The following DCAF8L2 variants were observed in gnomAD, a reference collection of about 807,000 sequenced individuals.
DCAF8L2 encodes the protein DDB1- and CUL4-associated factor 8-like protein 2.
For synonymous variants in DCAF8L2, 200 were observed against 190.9 expected (o/e 1.05, Z -0.39); for missense variants, 430 against 490.7 (o/e 0.88, Z 1.17).
the DCAF8L2 span, among the ~76,000 whole-genome samples, chrX:27,502,422 C>G: frequency 7.0e-5 from 6 of 86,320 alleles, no homozygotes; most frequent in Admixed American, 8.8e-4. Flanking sequence ...GAGGGGCTTT[C>G]CCCAGCAAGG....
At chrX:27,519,031 C>T in the DCAF8L2 span, 81 of 944,021 alleles carry the variant, frequency 8.6e-5, no homozygotes, top group African/African-American at 1.2e-3. Context: ...ACTATACATG[C>T]GAAGAAGGAA....
At chrX:27,617,476 T>A (rs1301496115) in intron 1 of DCAF8L2, among the ~76,000 whole-genome samples, 1 of 111,219 alleles carries the variant, frequency 9.0e-6, no homozygotes, top group Non-Finnish European at 1.9e-5. Flanking sequence ...TTAAAAGCTA[T>A]GAAATGAATC....
intron 4 of DCAF8L2, among the ~76,000 whole-genome samples, chrX:27,735,971 T>C (rs1921496256): frequency 9.0e-6 from 1 of 111,677 alleles, no homozygotes; most frequent in Non-Finnish European, 1.9e-5. Context: ...ATTAAAGTAT[T>C]GAAAACAAAT....
At chrX:27,591,418 G>C (rs1331351636) in intron 1 of DCAF8L2, among the ~76,000 whole-genome samples, 6 of 110,694 alleles carry the variant, frequency 5.4e-5, no homozygotes, top group Non-Finnish European at 1.1e-4. Context: ...TTAGAACAGT[G>C]GTTTACAGAA....
At chrX:27,514,207 T>C in the DCAF8L2 span, among the ~76,000 whole-genome samples, 2 of 74,028 alleles carry the variant, frequency 2.7e-5, no homozygotes, top group East Asian at 1.2e-3. Flanking sequence ...TATGTACATG[T>C]ATGTGTGCTA....
intron 4 of DCAF8L2, among the ~76,000 whole-genome samples, chrX:27,733,200 CTT>C (rs1410895327): frequency 1.8e-5 from 2 of 111,424 alleles, no homozygotes; most frequent in Admixed American, 9.6e-5. Context: ...CTTGTTATCT[CTT>C]GTCTTTTTGA....
chrX:27,474,102 G>T, the DCAF8L2 span, among the ~76,000 whole-genome samples: 3 of 111,202 alleles, frequency 2.7e-5, no homozygotes, highest in Admixed American at 2.9e-4. Flanking sequence ...TCAGGGAAGT[G>T]TCAGTTGCTC....
At position 27,676,578 on chromosome X, in the gene DCAF8L2, C is replaced by T. The variant is rs181195228; in HGVS notation, c.-219-1258C>T. Among the ~76,000 whole-genome samples, 19 of 110,503 alleles carry T rather than the reference C, an allele frequency of 1.7e-4. No homozygotes were observed. The East Asian group carries it at 3.7e-3, about 22-fold the overall frequency. ...GGAGGAATAGCAGAGGTTGGAACCA[C>T]CAAGAAAGAGTCCAAATAAGTAGGA... On this transcript the variant is annotated intron_variant, in intron 2 of 4. Coordinates refer to ENST00000451261, the MANE Select transcript of DCAF8L2 (RefSeq NM_001353450.2).
At chrX:27,555,533 C>A in the DCAF8L2 span, among the ~76,000 whole-genome samples, 1 of 112,155 alleles carries the variant, frequency 8.9e-6, no homozygotes, top group Non-Finnish European at 1.9e-5. Flanking sequence ...TCAAACCTGA[C>A]AGCTTAAGAG....
At chrX:27,533,188 A>C in the DCAF8L2 span, among the ~76,000 whole-genome samples, 19 of 21,151 alleles carry the variant, frequency 9.0e-4, 2 homozygotes, top group Non-Finnish European at 1.4e-3. Context: ...GAAAGAAAGA[A>C]AGAAAGAAAG....
the DCAF8L2 span, among the ~76,000 whole-genome samples, chrX:27,543,314 G>T: frequency 9.0e-6 from 1 of 111,489 alleles, no homozygotes; most frequent in Non-Finnish European, 1.9e-5. Context: ...TTTATTTCTG[G>T]GTTCTCTATT....
chrX:27,726,790 A>C (rs1015898781), intron 4 of DCAF8L2, among the ~76,000 whole-genome samples: 2 of 112,076 alleles, frequency 1.8e-5, no homozygotes, highest in African/African-American at 6.5e-5. Flanking sequence ...GTATGTACAG[A>C]CAACTCACTT....
chrX:27,544,521 A>C, the DCAF8L2 span, among the ~76,000 whole-genome samples: 1 of 112,025 alleles, frequency 8.9e-6, no homozygotes, highest in Non-Finnish European at 1.9e-5. Flanking sequence ...AAACATCTTT[A>C]AACACTGTAT....
chrX:27,703,303 A>G (rs968395449), intron 3 of DCAF8L2, among the ~76,000 whole-genome samples: 2 of 111,179 alleles, frequency 1.8e-5, no homozygotes, highest in African/African-American at 6.5e-5. Flanking sequence ...CGCAGCTGGC[A>G]TTTTTGCAGA....
intron 3 of DCAF8L2, among the ~76,000 whole-genome samples, chrX:27,711,019 T>C (rs1931507749): frequency 8.9e-6 from 1 of 111,989 alleles, no homozygotes; most frequent in African/African-American, 3.2e-5. Flanking sequence ...ACACCTACTA[T>C]GTACCCACAA....
Position 27,639,469 on chromosome X carries a change from T to C in DCAF8L2, c.-220+7469T>C, listed in dbSNP as rs534575782. Reference sequence around the variant, plus strand: ...TGTTTGTAACTCAAAGGAGAAATGCTTGAGGGAATGAATACCCCATTCTCC... The same window carrying C: ...TGTTTGTAACTCAAAGGAGAAATGCCTGAGGGAATGAATACCCCATTCTCC... On this transcript the variant is annotated intron_variant, in intron 2 of 4. Transcript: ENST00000451261. Among the ~76,000 whole-genome samples, 11 of 111,959 alleles carry C rather than the reference T, an allele frequency of 9.8e-5. No individual in the cohort carries two copies. The South Asian group carries it at 4.1e-3, about 41-fold the overall frequency.
chrX:27,642,135 C>A (rs778434374), intron 2 of DCAF8L2, among the ~76,000 whole-genome samples: 2 of 110,004 alleles, frequency 1.8e-5, no homozygotes, highest in Admixed American at 9.8e-5. Context: ...CCTCGTGATC[C>A]GCCCACCTCG....
chrX:27,726,980 T>C, intron 4 of DCAF8L2, among the ~76,000 whole-genome samples: 1 of 111,940 alleles, frequency 8.9e-6, no homozygotes, highest in Non-Finnish European at 1.9e-5. Flanking sequence ...GTTTAATAGA[T>C]ACTGCCAAGC....
the DCAF8L2 span, among the ~76,000 whole-genome samples, chrX:27,542,703 C>T: frequency 1.0e-4 from 11 of 106,875 alleles, no homozygotes; most frequent in East Asian, 1.5e-3. Flanking sequence ...CCACTACGCC[C>T]GGCTAATTTT....
Sources: gnomAD v4.1 joint callset for allele counts (sites outside exome capture counted in the v4.1 genomes callset) on GRCh38, gnomAD v4.1.1 for gene constraint, MANE v1.5 for transcripts, NCBI Gene and HGNC (gene_info 2026-07-23, HGNC 2026-07-21) for gene names.